DNAJC3: variants seen among roughly 807,000 people sequenced by gnomAD.
DNAJC3 encodes dnaJ homolog subfamily C member 3.
Under a neutral mutation model 68.6 loss-of-function variants are expected in DNAJC3, and 38 were observed. That is an observed-to-expected ratio of 0.55 (90% CI 0.43 to 0.73). The LOEUF is 0.73. Among genes scored for constraint, DNAJC3 ranks in the 30% least tolerant of loss-of-function variants. DNAJC3 has a pLI of 0.00. For synonymous variants in DNAJC3, 203 were observed against 204.0 expected, an observed-to-expected ratio of 1.00 and a Z score of 0.04; for missense variants, 526 against 591.9, an observed-to-expected ratio of 0.89 and a Z score of 1.16.
rs751719439 is a variant in DNAJC3, at chr13:95,707,548, C to T, written c.83-1679C>T. Among the ~76,000 whole-genome samples, 103 of 152,166 alleles carry T rather than the reference C, an allele frequency of 6.8e-4. 2 individuals are homozygous for T. The highest frequency in any genetic ancestry group is 3.1e-4 in the Non-Finnish European group (21 of 68,012). ...GAGGAACTTAGCACTGCACTGAAGC[C>T]CAAGGCCATGACCAAACCAGTCCTC... On this transcript the variant is annotated intron_variant, in intron 1 of 11. Transcript: ENST00000602402.
intron 1 of DNAJC3, among the ~76,000 whole-genome samples, chr13:95,703,097 A>G (rs548878470): frequency 1.3e-5 from 2 of 152,302 alleles, no homozygotes; most frequent in East Asian, 3.9e-4. Flanking sequence ...ATATTGAACC[A>G]TTTCTCTTAG....
intron 9 of DNAJC3, among the ~76,000 whole-genome samples, chr13:95,782,671 A>C (rs550308545): frequency 3.3e-5 from 5 of 152,200 alleles, no homozygotes; most frequent in Non-Finnish European, 7.4e-5. Flanking sequence ...AAATTTGTTT[A>C]AGTTCCCTGT....
In DNAJC3 at chr13:95,700,113, C is replaced by T. The variant is rs540215369; in HGVS notation, c.83-9114C>T. On this transcript the variant is annotated intron_variant, in intron 1 of 11. Transcript: ENST00000602402. ...AATAGATGTGAGCCATTGCAACTGG[C>T]CTACTTTTATTGTTTATATAAGATA... 9.7e-4 allele frequency among the ~76,000 whole-genome samples: 148 copies of T among 152,242 alleles called. 1 individual carries two copies. Among genetic ancestry groups the T allele is most frequent in the African/African-American group, 3.3e-3 (138 of 41,532 alleles).
Position 95,713,354 on chromosome 13 carries a change from A to T in DNAJC3, c.193+4017A>T, listed in dbSNP as rs192726871. Among the ~76,000 whole-genome samples, 336 of 152,244 alleles carry T rather than the reference A, an allele frequency of 2.2e-3. 3 individuals carry two copies. Among genetic ancestry groups the T allele is most frequent in the Non-Finnish European group, 3.4e-3 (233 of 68,024 alleles). ...CCACTCACTAGATAACAAATTCAACATACTTTTGTAGCAACAGAGTCTCTC... is the reference window on the plus strand; with the variant it reads ...CCACTCACTAGATAACAAATTCAACTTACTTTTGTAGCAACAGAGTCTCTC... On this transcript the variant is annotated intron_variant, in intron 2 of 11. Transcript: ENST00000602402.
intron 9 of DNAJC3, among the ~76,000 whole-genome samples, chr13:95,765,915 A>G (rs1882981042): frequency 6.6e-6 from 1 of 152,096 alleles, no homozygotes; most frequent in African/African-American, 2.4e-5. Context: ...TTCTATAGGA[A>G]TTTATTAAAG....
rs544247873 is a variant in DNAJC3 at position 95,707,681 on chromosome 13, G to A, written c.83-1546G>A. Among the ~76,000 whole-genome samples, 18 of 152,236 alleles carry A rather than the reference G, an allele frequency of 1.2e-4. No homozygotes were observed. In the East Asian group the frequency reaches 3.1e-3, roughly 26 times the overall value. ...GAAATCATGTAGTTACTTAGAAAGG[G>A]GAAGTTTAATCTAAGAACTGTTAAG... is the stretch of plus-strand genomic sequence containing the variant. On this transcript the variant is annotated intron_variant, in intron 1 of 11. Coordinates refer to ENST00000602402, the MANE Select transcript of DNAJC3 (RefSeq NM_006260.5).
chr13:95,699,067 G>A (rs899947484), intron 1 of DNAJC3, among the ~76,000 whole-genome samples: 3 of 152,206 alleles, frequency 2.0e-5, no homozygotes, highest in African/African-American at 7.2e-5. Flanking sequence ...ACATCTCAGT[G>A]AGGAGGCACA....
chr13:95,691,298 C>T (rs1221203284), intron 1 of DNAJC3, among the ~76,000 whole-genome samples: 21 of 149,564 alleles, frequency 1.4e-4, no homozygotes, highest in Middle Eastern at 7.6e-3. Context: ...ACTTCTCAGA[C>T]GGGGCACTTG....
chr13:95,757,963 G>C (rs556889734), intron 5 of DNAJC3, among the ~76,000 whole-genome samples, 167 bp downstream of exon 5: 4 of 152,214 alleles, frequency 2.6e-5, no homozygotes, highest in East Asian at 3.9e-4. Context: ...AACAAAATTT[G>C]GACTGAAGTT....
At chr13:95,754,250 C>T (rs1882582103) in intron 4 of DNAJC3, among the ~76,000 whole-genome samples, 1 of 152,132 alleles carries the variant, frequency 6.6e-6, no homozygotes, top group Non-Finnish European at 1.5e-5. Context: ...TTTAGTTCCT[C>T]TTGAGGTGTT....
chr13:95,709,064 G>C (rs1377962151), intron 1 of DNAJC3, among the ~76,000 whole-genome samples, 163 bp from the exon 2 acceptor site: 1 of 152,046 alleles, frequency 6.6e-6, no homozygotes, highest in Admixed American at 6.5e-5. Flanking sequence ...AATGAAATAG[G>C]GTTTGTATTT....
chr13:95,787,180 A>G lies in DNAJC3; in HGVS notation c.1357+25A>G, dbSNP rs201172876. The G allele has an allele frequency of 2.5e-5, 40 of 1,604,630 alleles. No individual in the cohort carries two copies. In the African/African-American group the frequency reaches 5.3e-4, roughly 21 times the overall value. Reference sequence around the variant, plus strand: ...GGTATTATTAGCTTTTATTCCTTTGACTCATCCTAGAGGTGGTGTTAGAAG... The same window carrying G: ...GGTATTATTAGCTTTTATTCCTTTGGCTCATCCTAGAGGTGGTGTTAGAAG... On this transcript the variant is annotated intron_variant, in intron 11 of 11. Coordinates refer to ENST00000602402, the MANE Select transcript of DNAJC3 (RefSeq NM_006260.5).
rs1266885801 is a variant in DNAJC3 at position 95,760,096 on chromosome 13, A to G, written c.603A>G (p.Glu201=). 6.2e-7 allele frequency: 1 copy of G among 1,611,924 alleles called. No individual in the cohort carries two copies. Among genetic ancestry groups the G allele is most frequent in the East Asian group, 2.2e-5 (1 of 44,850 alleles). ...RELRAECFIK[E]GEPRKAISDL... Reference sequence around the variant, plus strand: ...TTCGAGCTGAATGTTTTATAAAAGAAGGAGAACCTAGGAAAGCTATAAGTG... The same window carrying G: ...TTCGAGCTGAATGTTTTATAAAAGAGGGAGAACCTAGGAAAGCTATAAGTG... Residue 201 remains glutamate (E), a synonymous_variant, in exon 6 of 12, where the codon GAA becomes GAG. Coordinates refer to ENST00000602402, the MANE Select transcript of DNAJC3 (RefSeq NM_006260.5).
intron 4 of DNAJC3, among the ~76,000 whole-genome samples, chr13:95,738,804 G>A (rs1242149152): frequency 2.6e-5 from 4 of 151,962 alleles, no homozygotes; most frequent in Admixed American, 6.6e-5. Flanking sequence ...CTTTTAATTG[G>A]AGCATTTAGT....
chr13:95,701,701 A>G (rs377312259), intron 1 of DNAJC3, among the ~76,000 whole-genome samples: 4 of 152,196 alleles, frequency 2.6e-5, no homozygotes, highest in African/African-American at 9.7e-5. Flanking sequence ...TTATGAAGAT[A>G]AAAAATTATT....
At chr13:95,756,237 G>A (rs138358644) in intron 4 of DNAJC3, among the ~76,000 whole-genome samples, 13 of 152,244 alleles carry the variant, frequency 8.5e-5, no homozygotes, top group African/African-American at 2.2e-4. Context: ...TACTCTCTCC[G>A]ATGGGGTTTA....
intron 2 of DNAJC3, among the ~76,000 whole-genome samples, chr13:95,714,824 T>C (rs1881087955): frequency 6.6e-6 from 1 of 152,254 alleles, no homozygotes; most frequent in Non-Finnish European, 1.5e-5. Context: ...CTTCTACCTA[T>C]TTTATACTTT....
chr13:95,714,137 C>T (rs762512968), intron 2 of DNAJC3, among the ~76,000 whole-genome samples: 1 of 152,188 alleles, frequency 6.6e-6, no homozygotes, highest in Non-Finnish European at 1.5e-5. Context: ...AATCCTGTGA[C>T]ATTGGTCCAG....
intron 9 of DNAJC3, among the ~76,000 whole-genome samples, chr13:95,764,209 GA>G (rs1188887116): frequency 2.6e-5 from 4 of 151,106 alleles, no homozygotes; most frequent in South Asian, 2.1e-4. Context: ...TTGTAGAAAG[GA>G]AAAAAAATAA....
Sources: gnomAD v4.1 joint callset for allele counts (sites outside exome capture counted in the v4.1 genomes callset) on GRCh38, gnomAD v4.1.1 for gene constraint, MANE v1.5 for transcripts, NCBI Gene and HGNC (gene_info 2026-07-23, HGNC 2026-07-21) for gene names.